The following ANK2 variants were observed in gnomAD, a reference collection of about 807,000 sequenced individuals.
ANK2 encodes the protein ankyrin 2.
A neutral mutation model predicts 360.5 loss-of-function variants in ANK2; 83 were observed. The observed-to-expected ratio is 0.23, with a 90% CI of 0.19 to 0.28. ANK2 has a LOEUF of 0.28. Ranked by LOEUF, ANK2 falls within the 10% of genes least tolerant of loss-of-function variation. The pLI is 1.00. For synonymous variants in ANK2, 1,740 were observed against 1,759.5 expected, an observed-to-expected ratio of 0.99 and a Z score of 0.28; for missense variants, 4,201 against 4,795.7, an observed-to-expected ratio of 0.88 and a Z score of 3.66.
At chr4:113,136,134 G>A (rs142970206) in intron 1 of ANK2, among the ~76,000 whole-genome samples, 15 of 152,240 alleles carry the variant, frequency 9.9e-5, no homozygotes, top group African/African-American at 3.6e-4. Context: ...AATTATGAGT[G>A]CCTGCTATAT....
intron 18 of ANK2, among the ~76,000 whole-genome samples, chr4:113,285,683 A>T (rs984978899): frequency 6.6e-6 from 1 of 152,160 alleles, no homozygotes; most frequent in Admixed American, 6.5e-5. Context: ...GTCCTCTGGA[A>T]TTTATGGAAG....
Position 113,363,402 on chromosome 4 carries a change from C to G in ANK2, c.10821C>G (p.Asn3607Lys). 6.2e-7 allele frequency: 1 copy of G among 1,613,594 alleles called. No individual in the cohort carries two copies. Among genetic ancestry groups the G allele is most frequent in the Non-Finnish European group, 8.5e-7 (1 of 1,179,680 alleles). Residue 3607 changes from asparagine (N) to lysine (K), a missense_variant, in exon 40 of 46, where the codon AAC becomes AAG. Coordinates refer to ENST00000357077, the MANE Select transcript of ANK2 (RefSeq NM_001148.6). The part of the protein sequence containing the change: ...QIHQIRIENP[N>K]SLQDQSHALL... ...ATCAAATTCGAATTGAAAATCCCAACTCTCTTCAAGACCAGAGTCATGCAC... is the reference window on the plus strand; with the variant it reads ...ATCAAATTCGAATTGAAAATCCCAAGTCTCTTCAAGACCAGAGTCATGCAC...
At chr4:113,073,996 G>T in intron 1 of ANK2, among the ~76,000 whole-genome samples, 1 of 152,152 alleles carries the variant, frequency 6.6e-6, no homozygotes, top group East Asian at 1.9e-4. Flanking sequence ...AAGTAAATTG[G>T]ACTCAGTCTT....
rs1324808853 is a variant in ANK2, at chr4:112,921,111, G to A, written c.21+16597G>A. ...GTATTGCCCAGGCTGGAGTGCAGTG[G>A]TGCGATCTCGGCTCAAACAATCCTC... is the stretch of plus-strand genomic sequence containing the variant. On this transcript the variant is annotated intron_variant, in intron 2 of 30. Coordinates refer to the ANK2 transcript ENST00000503271. 2.7e-5 allele frequency among the ~76,000 whole-genome samples: 4 copies of A among 149,912 alleles called. No individual in the cohort carries two copies. The South Asian group carries it at 8.4e-4, about 31-fold the overall frequency.
chr4:113,225,058 T>G (rs1034532617), intron 4 of ANK2, among the ~76,000 whole-genome samples: 3 of 152,134 alleles, frequency 2.0e-5, no homozygotes, highest in Admixed American at 6.5e-5. Context: ...ACACTCATAC[T>G]TCCCCTACAA....
chr4:113,111,997 A>C (rs548249713), intron 1 of ANK2, among the ~76,000 whole-genome samples: 1 of 142,930 alleles, frequency 7.0e-6, no homozygotes, highest in African/African-American at 2.7e-5. Flanking sequence ...GCTGGCTCAT[A>C]GTAGGCCTTT....
chr4:112,716,402 G>T, the ANK2 span, among the ~76,000 whole-genome samples: 1 of 152,034 alleles, frequency 6.6e-6, no homozygotes, highest in Admixed American at 6.6e-5. Context: ...GGGCCTCATT[G>T]GTCCATCATT....
chr4:112,817,607 C>T (rs1316880236), upstream of ANK2, among the ~76,000 whole-genome samples: 1 of 151,848 alleles, frequency 6.6e-6, no homozygotes, highest in Non-Finnish European at 1.5e-5. Flanking sequence ...CACACACACA[C>T]CACCTACCAA....
chr4:112,708,627 A>G, the ANK2 span, among the ~76,000 whole-genome samples: 2 of 152,204 alleles, frequency 1.3e-5, no homozygotes, highest in Non-Finnish European at 2.9e-5. Context: ...TGAAGAGGAC[A>G]AAAACCCTAC....
intron 2 of ANK2, among the ~76,000 whole-genome samples, chr4:112,997,982 A>G (rs1176696436): frequency 1.3e-5 from 2 of 151,836 alleles, no homozygotes; most frequent in South Asian, 2.1e-4. Context: ...GTCCAAATAC[A>G]TAAGCACGTG....
chr4:113,196,031 T>C (rs1036306506), intron 2 of ANK2, among the ~76,000 whole-genome samples: 1 of 152,186 alleles, frequency 6.6e-6, no homozygotes, highest in Non-Finnish European at 1.5e-5. Context: ...TCCCAGAAAG[T>C]GTACAGAATT....
rs2153701103 is a variant in ANK2 at position 113,278,532 on chromosome 4, G to A, written c.1855G>A (p.Gly619Ser). ...QKVALLLLEK[G>S]ASPHATAKNG... The stretch of plus-strand genomic sequence containing the variant: ...GGTGGCGCTGCTGTTACTGGAGAAG[G>A]GTGCTTCCCCTCATGCCACTGCCAA... The change falls in exon 17 of 46, where the codon GGT (glycine) becomes AGT (serine). Residue 619 changes from glycine to serine, a missense_variant. Transcript: ENST00000357077. 1 of 1,613,804 alleles carries A rather than the reference G, an allele frequency of 6.2e-7. No homozygotes were observed. Among genetic ancestry groups the A allele is most frequent in the Non-Finnish European group, 8.5e-7 (1 of 1,179,892 alleles).
intron 1 of ANK2, among the ~76,000 whole-genome samples, chr4:113,149,464 G>T (rs2096955035): frequency 6.6e-6 from 1 of 152,056 alleles, no homozygotes; most frequent in African/African-American, 2.4e-5. Flanking sequence ...TGTTCATATG[G>T]TTAGTTTTGA....
At position 113,332,051 on chromosome 4, in the gene ANK2, C is replaced by T; in HGVS notation, c.3205C>T (p.Pro1069Ser). ...LVSRILQLGP[P>S]GTKFLGPVIV... ...CAGCCGCATTCTTCAGCTGGGGCCT[C>T]CTGGAACCAAATTCCTTGGGTAGGA... The change falls in exon 28 of 46, where the codon CCT becomes TCT. Residue 1069 changes from proline to serine, a missense_variant. Pro to Ser is a moderately conservative substitution (Grantham distance 74). Transcript: ENST00000357077. 6.2e-7 allele frequency: 1 copy of T among 1,614,074 alleles called. No homozygotes were observed. Among genetic ancestry groups the T allele is most frequent in the Non-Finnish European group, 8.5e-7 (1 of 1,179,962 alleles).
intron 2 of ANK2, among the ~76,000 whole-genome samples, chr4:112,969,168 AC>A (rs1159328209): frequency 1.3e-5 from 2 of 152,164 alleles, no homozygotes; most frequent in Non-Finnish European, 2.9e-5. Flanking sequence ...TGGTATCTAA[AC>A]CCTTCAGACC....
the ANK2 span, among the ~76,000 whole-genome samples, chr4:112,740,846 C>T: frequency 1.3e-5 from 2 of 151,908 alleles, no homozygotes; most frequent in South Asian, 2.1e-4. Context: ...CTAAATGAGC[C>T]GGGCGTGGTC....
At chr4:113,271,657 T>C (rs1408161626) in intron 14 of ANK2, among the ~76,000 whole-genome samples, 2 of 152,220 alleles carry the variant, frequency 1.3e-5, no homozygotes, top group African/African-American at 4.8e-5. Flanking sequence ...GGTTTAGAAA[T>C]AATATCTCAT....
rs2153924740 is a variant in ANK2 at position 113,330,363 on chromosome 4, C to T, written c.3018C>T (p.Cys1006=). The change falls in exon 27 of 46, where the codon TGC becomes TGT. Residue 1006 remains cysteine (C), a synonymous_variant. Coordinates refer to ENST00000357077, the MANE Select transcript of ANK2 (RefSeq NM_001148.6). ...GTACTGCTCCAACGCGAGTCACCTG[C>T]CGACTGGTCAAGCGCCACAGACTGG... ...RKCTAPTRVT[C]RLVKRHRLAT... The T allele has an allele frequency of 6.2e-7, 1 of 1,614,214 alleles. No individual in the cohort carries two copies. The highest frequency in any genetic ancestry group is 8.5e-7 in the Non-Finnish European group (1 of 1,180,040).
chr4:113,297,714 C>T (rs142069075), intron 22 of ANK2, among the ~76,000 whole-genome samples: 1 of 152,006 alleles, frequency 6.6e-6, no homozygotes, highest in African/African-American at 2.4e-5. Context: ...ATATCAATAC[C>T]TATTATATTA....
Sources: allele counts gnomAD v4.1 joint callset (sites outside exome capture counted in the v4.1 genomes callset), GRCh38; gene constraint gnomAD v4.1.1; transcripts MANE v1.5; gene names NCBI Gene and HGNC (gene_info 2026-07-23, HGNC 2026-07-21).